The following LRIF1 variants were observed in gnomAD, a reference collection of about 807,000 sequenced individuals.
The protein encoded by LRIF1 is ligand-dependent nuclear receptor-interacting factor 1.
Under a neutral mutation model 52.7 loss-of-function variants are expected in LRIF1, and 32 were observed. That is an observed-to-expected ratio of 0.61 (90% CI 0.46 to 0.82). The LOEUF (loss-of-function observed/expected upper bound fraction) is 0.82. Among genes scored for constraint, LRIF1 ranks in the 40% least tolerant of loss-of-function variants. LRIF1 has a pLI of 0.00. For synonymous variants in LRIF1, 323 were observed against 317.4 expected (o/e 1.02, Z -0.19); for missense variants, 887 against 892.0 (o/e 0.99, Z 0.07).
chr1:110,909,642 G>T, the LRIF1 span, among the ~76,000 whole-genome samples: 4 of 145,520 alleles, frequency 2.7e-5, no homozygotes, highest in Non-Finnish European at 6.0e-5. Flanking sequence ...GTGCAGTGGC[G>T]CGATCTCGGC....
At chr1:110,923,420 T>C in the LRIF1 span, among the ~76,000 whole-genome samples, 1 of 152,174 alleles carries the variant, frequency 6.6e-6, no homozygotes. Flanking sequence ...AGGGGCATTA[T>C]TAGTCTACCA....
At chr1:110,920,068 A>G in the LRIF1 span, among the ~76,000 whole-genome samples, 13 of 152,312 alleles carry the variant, frequency 8.5e-5, no homozygotes, top group Admixed American at 8.5e-4. Context: ...AGGATGTGAA[A>G]CAACCAGAAG....
intron 3 of LRIF1, 42 bp downstream of exon 3, chr1:110,949,800 CATGTATCAT>C: frequency 6.5e-7 from 1 of 1,532,106 alleles, no homozygotes. Flanking sequence ...AAGTAATATT[CATGTATCAT>C]TTGTAGTACC....
In LRIF1 at chr1:110,948,023, T is replaced by A; in HGVS notation, c.2246A>T (p.Lys749Met). 6.2e-7 allele frequency: 1 copy of A among 1,612,888 alleles called. No individual in the cohort carries two copies. The change falls in exon 4 of 4, where the codon AAG becomes ATG. Residue 749 changes from lysine to methionine, a missense_variant. Transcript: ENST00000369763. Reference protein sequence around the residue: ...TIRDEKIRRLKQVLREKEAAL... With the variant: ...TIRDEKIRRLMQVLREKEAAL... ...TGCTTCTTTCTCTCTCAGCACCTGC[T>A]TAAGTCTTCTTATTTTTTCATCTCG...
chr1:110,939,458 C>T, the LRIF1 span: 1 of 149,052 alleles, frequency 6.7e-6, no homozygotes, highest in South Asian at 2.2e-4. Context: ...GTACCAATGA[C>T]ATTCATCACA....
the LRIF1 span, chr1:110,939,462 C>T: frequency 6.7e-6 from 1 of 150,264 alleles, no homozygotes; most frequent in Non-Finnish European, 1.5e-5. Flanking sequence ...CAATGACATT[C>T]ATCACAGAAA....
the LRIF1 span, among the ~76,000 whole-genome samples, chr1:110,882,293 C>G: frequency 3.3e-5 from 5 of 152,040 alleles, no homozygotes; most frequent in African/African-American, 1.2e-4. Context: ...AATGCAAGTT[C>G]ATTTTTGCAT....
At chr1:110,881,072 T>A in the LRIF1 span, among the ~76,000 whole-genome samples, 2 of 152,192 alleles carry the variant, frequency 1.3e-5, no homozygotes, top group Non-Finnish European at 2.9e-5. Context: ...ACAGGGGGTG[T>A]TGCCATGAGT....
the LRIF1 span, chr1:110,892,582 T>C: frequency 7.0e-7 from 1 of 1,431,930 alleles, no homozygotes; most frequent in East Asian, 2.3e-5. Flanking sequence ...AGATGGTGCC[T>C]AAATCCCAGG....
chr1:110,955,812 T>C (rs1041058895), intron 1 of LRIF1, among the ~76,000 whole-genome samples: 2 of 152,140 alleles, frequency 1.3e-5, no homozygotes, highest in African/African-American at 4.8e-5. Context: ...TTGTTTAAGG[T>C]TAGATTAACC....
the LRIF1 span, among the ~76,000 whole-genome samples, chr1:110,923,347 T>G: frequency 2.0e-5 from 3 of 152,152 alleles, no homozygotes; most frequent in African/African-American, 7.2e-5. Flanking sequence ...ACAAAGTTTC[T>G]TTTACCATGT....
the LRIF1 span, among the ~76,000 whole-genome samples, chr1:110,916,177 A>G: frequency 6.6e-6 from 1 of 152,182 alleles, no homozygotes; most frequent in African/African-American, 2.4e-5. Flanking sequence ...CCAGAAAAAA[A>G]TGAAGAGCCT....
chr1:110,963,370 C>G (rs1030013257), intron 1 of LRIF1: 3 of 310,632 alleles, frequency 9.7e-6, no homozygotes, highest in African/African-American at 6.4e-5. Context: ...CTACTCGGTC[C>G]GCCTATTAAA....
chr1:110,948,426 C>A (rs773021748), intron 3 of LRIF1, 27 bp from the exon 4 acceptor site: 19 of 1,583,326 alleles, frequency 1.2e-5, no homozygotes, highest in Non-Finnish European at 1.5e-5. Context: ...CATTCCAAAA[C>A]AAAAACGAAA....
the LRIF1 span, among the ~76,000 whole-genome samples, chr1:110,921,583 T>C: frequency 6.6e-6 from 1 of 152,142 alleles, no homozygotes; most frequent in Non-Finnish European, 1.5e-5. Context: ...GAAAGACCAC[T>C]TCAAGTCACC....
chr1:110,896,614 A>G, the LRIF1 span: 2 of 1,589,294 alleles, frequency 1.3e-6, no homozygotes, highest in Admixed American at 3.5e-5. Flanking sequence ...TTCACTGTTG[A>G]CTTTCTAACC....
At chr1:110,904,562 A>G in the LRIF1 span, among the ~76,000 whole-genome samples, 1 of 152,244 alleles carries the variant, frequency 6.6e-6, no homozygotes, top group Non-Finnish European at 1.5e-5. Flanking sequence ...CTATGAGTCC[A>G]TAAGAACCAC....
chr1:110,952,260 C>T lies in LRIF1; in HGVS notation c.624G>A (p.Lys208=), dbSNP rs770495595. Residue 208 remains lysine (K), a synonymous_variant, in exon 2 of 4, where the codon AAG becomes AAA. Coordinates refer to ENST00000369763, the MANE Select transcript of LRIF1 (RefSeq NM_018372.4). ...TACTGGTGGTGGCAGTTGCAAGTAT[C>T]TTTTGCTGCACTGAAGGAGGCAATG... ...ASSLPPSVQQ[K]ILATATTSTS... 6 of 1,614,070 alleles carry T rather than the reference C, an allele frequency of 3.7e-6. No individual in the cohort carries two copies. In the South Asian group the frequency reaches 5.5e-5, roughly 15 times the overall value.
At chr1:110,927,897 A>G in the LRIF1 span, among the ~76,000 whole-genome samples, 1 of 152,222 alleles carries the variant, frequency 6.6e-6, no homozygotes, top group African/African-American at 2.4e-5. Context: ...ATTTAAAAAG[A>G]AAAGGTGAGT....
Sources: allele counts gnomAD v4.1 joint callset (sites outside exome capture counted in the v4.1 genomes callset), GRCh38; gene constraint gnomAD v4.1.1; transcripts MANE v1.5; gene names NCBI Gene and HGNC (gene_info 2026-07-23, HGNC 2026-07-21).